The following UNC13B variants were observed in gnomAD, a reference collection of about 807,000 sequenced individuals.
UNC13B encodes the protein protein unc-13 homolog B.
A neutral mutation model predicts 211.0 loss-of-function variants in UNC13B; 144 were observed. The observed-to-expected ratio is 0.68, with a 90% confidence interval of 0.60 to 0.78. UNC13B has a LOEUF of 0.78. Ranked by LOEUF, UNC13B falls within the 30% of genes least tolerant of loss-of-function variation. The pLI is 0.00. For missense variants in UNC13B, 1,777 were observed against 2,002.0 expected (o/e 0.89, Z 2.14); for synonymous variants, 709 against 725.8 (o/e 0.98, Z 0.37).
At position 35,403,185 on chromosome 9, in the gene UNC13B, C is replaced by G. The variant is rs1564203918; in HGVS notation, c.12503C>G (p.Pro4168Arg). Residue 4168 changes from proline to arginine, a missense_variant, in exon 38 of 40, where the codon CCT (proline) becomes CGT (arginine). Physicochemically the swap from Pro to Arg is moderately radical, Grantham distance 103. Transcript: ENST00000635942. The stretch of plus-strand genomic sequence containing the variant: ...CCCTCAGGGTCTGGTGTGGACGATC[C>G]TGTGGGAGAAGTCTCTATTCAGGTG... ...QTTQGSGVDDPVGEVSIQVDL... is the reference protein window; with the variant it reads ...QTTQGSGVDDRVGEVSIQVDL... 1 of 1,614,122 alleles carries G rather than the reference C, an allele frequency of 6.2e-7. No individual in the cohort carries two copies. The highest frequency in any genetic ancestry group is 8.5e-7 in the Non-Finnish European group (1 of 1,179,988).
At chr9:35,385,101 GTGAAGACA>G in intron 22 of UNC13B, 1 of 985,458 alleles carries the variant, frequency 1.0e-6, no homozygotes, top group Non-Finnish European at 1.2e-6. Context: ...GACCATTAAT[GTGAAGACA>G]GGCTCAGCAT....
rs1032791635 is a variant in UNC13B at position 35,302,983 on chromosome 9, C to T, written c.3579C>T (p.Ser1193=). The T allele has an allele frequency of 8.0e-5, 32 of 398,498 alleles. No homozygotes were observed. Among genetic ancestry groups the T allele is most frequent in the Admixed American group, 3.5e-4 (8 of 22,692 alleles). 24.7% of individuals were successfully genotyped at this position (398,498 alleles called of 1,614,324 possible). Residue 1193 remains serine, a synonymous_variant, in exon 9 of 40, where the codon AGC becomes AGT. Transcript: ENST00000635942. ...GAATATTTAACCTGCTATCAAATAG[C>T]GGTATGATTGATCATAAACCAGAGG... ...ISGIFNLLSN[S]GMIDHKPEEA...
chr9:35,298,189 C>T (rs1403779992), intron 8 of UNC13B, among the ~76,000 whole-genome samples: 8 of 152,096 alleles, frequency 5.3e-5, no homozygotes, highest in African/African-American at 1.7e-4. Flanking sequence ...GAGGCCAAGG[C>T]GGGAGGATCA....
rs553136622 is a variant in UNC13B at position 35,399,880 on chromosome 9, T to G, written c.12336+151T>G. The G allele has an allele frequency of 6.1e-6, 5 of 816,118 alleles. No individual in the cohort carries two copies. The Admixed American group carries it at 1.3e-4, about 21-fold the overall frequency. 50.6% of individuals were successfully genotyped at this position (816,118 alleles called of 1,614,324 possible). A position where few individuals can be genotyped will look rare whatever the true frequency, so the allele number is the denominator to read the frequency against. On this transcript the variant is annotated intron_variant, in intron 36 of 39. Coordinates refer to ENST00000635942, the MANE Select transcript of UNC13B (RefSeq NM_001371189.2). ...ACTGCCAAGGATACAGAATCAGATA[T>G]GGTTCCTAAATTCAAGATGCTTATC...
chr9:35,404,855 TG>T lies in UNC13B; in HGVS notation c.*825del, dbSNP rs1382810452. On this transcript the variant is annotated 3_prime_UTR_variant, in exon 40 of 40. Coordinates refer to ENST00000635942, the MANE Select transcript of UNC13B (RefSeq NM_001371189.2). ...GAAGGATCCAGGAGTATTTTCTTCT[TG>T]GGTGGGCCCTGAACAAAGCCAAAAA... The T allele has an allele frequency of 6.6e-6, 1 of 152,610 alleles. No individual in the cohort carries two copies. The highest frequency in any genetic ancestry group is 2.4e-5 in the African/African-American group (1 of 41,414). 9.5% of individuals were successfully genotyped at this position (152,610 alleles called of 1,614,324 possible). A position where few individuals can be genotyped will look rare whatever the true frequency, so the allele number is the denominator to read the frequency against.
intron 5 of UNC13B, among the ~76,000 whole-genome samples, chr9:35,241,596 C>CACACACA (rs777824853): frequency 7.3e-6 from 1 of 136,100 alleles, no homozygotes; most frequent in Admixed American, 7.3e-5. Context: ...CACACACACA[C>CACACACA]CACCATCTTC....
At chr9:35,163,462 T>A (rs539523762) in intron 1 of UNC13B, among the ~76,000 whole-genome samples, 1 of 152,270 alleles carries the variant, frequency 6.6e-6, no homozygotes. Flanking sequence ...TTATGAGATA[T>A]ACAGTTTTTC....
chr9:35,181,194 C>G (rs1821920103), intron 1 of UNC13B, among the ~76,000 whole-genome samples: 2 of 152,178 alleles, frequency 1.3e-5, no homozygotes, highest in Admixed American at 6.5e-5. Context: ...AAAATTTTCT[C>G]TAGTGCCTTG....
intron 5 of UNC13B, among the ~76,000 whole-genome samples, chr9:35,241,080 TAACA>T (rs1825780405): frequency 2.0e-5 from 3 of 148,742 alleles, no homozygotes; most frequent in Admixed American, 6.7e-5. Flanking sequence ...AAATCAGTAA[TAACA>T]AAGTAACATT....
chr9:35,381,529 T>C lies in UNC13B; in HGVS notation c.10492-27T>C, dbSNP rs1433806336. ...TGTCTTTCATATGTGTTTAACCCATTCCCTTTCTCTGCTCTGTCTCCTGCA... is the reference window on the plus strand; with the variant it reads ...TGTCTTTCATATGTGTTTAACCCATCCCCTTTCTCTGCTCTGTCTCCTGCA... On this transcript the variant is annotated intron_variant, in intron 19 of 39. Transcript: ENST00000635942. The C allele has an allele frequency of 5.6e-6, 9 of 1,602,532 alleles. No individual in the cohort carries two copies. In the African/African-American group the frequency reaches 9.4e-5, roughly 17 times the overall value.
intron 11 of UNC13B, among the ~76,000 whole-genome samples, chr9:35,318,400 C>T (rs557913462): frequency 1.5e-4 from 23 of 152,262 alleles, no homozygotes; most frequent in African/African-American, 4.3e-4. Context: ...GCTGCCGCCC[C>T]GCCACCCCAA....
At chr9:35,341,402 C>T (rs1411989424) in intron 11 of UNC13B, among the ~76,000 whole-genome samples, 1 of 152,162 alleles carries the variant, frequency 6.6e-6, no homozygotes, top group Non-Finnish European at 1.5e-5. Flanking sequence ...TTCAGCTTTG[C>T]CAAATGCTGA....
chr9:35,292,352 C>T (rs1324771771), intron 7 of UNC13B, among the ~76,000 whole-genome samples: 1 of 152,164 alleles, frequency 6.6e-6, no homozygotes, highest in Non-Finnish European at 1.5e-5. Context: ...TCCATAATTT[C>T]CTCTATGTCT....
chr9:35,368,157 T>C lies in UNC13B; in HGVS notation c.9461+1164T>C, dbSNP rs143365999. 8.3e-3 allele frequency among the ~76,000 whole-genome samples: 1,271 copies of C among 152,302 alleles called. 11 individuals are homozygous for C. Among genetic ancestry groups the C allele is most frequent in the African/African-American group, 0.029 (1,202 of 41,568 alleles). On this transcript the variant is annotated intron_variant, in intron 12 of 39. Transcript: ENST00000635942. ...ACAGGGATTTGTTGTACAGATTATT[T>C]CATCACCCAAGTACTATAACAATAG... is the stretch of plus-strand genomic sequence containing the variant.
In UNC13B at chr9:35,259,090, G is replaced by C. The variant is rs1431365972; in HGVS notation, c.526+40G>C. The stretch of plus-strand genomic sequence containing the variant: ...TGTCTATGAATCTCTTTTAATTGTA[G>C]CTTTCTGTCGCTTCTCTGAACATGG... On this transcript the variant is annotated intron_variant, in intron 7 of 39. Coordinates refer to ENST00000635942, the MANE Select transcript of UNC13B (RefSeq NM_001371189.2). 4 of 1,598,042 alleles carry C rather than the reference G, an allele frequency of 2.5e-6. No individual in the cohort carries two copies. In the East Asian group the frequency reaches 8.9e-5, roughly 36 times the overall value.
chr9:35,390,534 T>C (rs898200193), intron 25 of UNC13B, 95 bp from the exon 26 acceptor site: 3 of 1,356,290 alleles, frequency 2.2e-6, no homozygotes, highest in African/African-American at 2.9e-5. Context: ...CTCTCTCCAA[T>C]ATGACTTCCA....
intron 11 of UNC13B, among the ~76,000 whole-genome samples, chr9:35,334,651 T>C (rs1033342832): frequency 6.6e-6 from 1 of 152,238 alleles, no homozygotes; most frequent in Non-Finnish European, 1.5e-5. Flanking sequence ...GCTAGATTGC[T>C]CTTGAGGTCA....
In UNC13B at chr9:35,307,075, A is replaced by T. The variant is rs779904539; in HGVS notation, c.7671A>T (p.Ala2557=). ...PPERREAAFT[A]LSSESTLSDC... is the part of the protein sequence containing the mutation. ...AAAGGAGAGAAGCTGCCTTTACAGC[A>T]CTAAGTTCAGAATCTACTCTCAGTG... Residue 2557 remains alanine (A), a synonymous_variant, in exon 9 of 40, where the codon GCA becomes GCT. Transcript: ENST00000635942. 2 of 398,950 alleles carry T rather than the reference A, an allele frequency of 5.0e-6. No individual in the cohort carries two copies. The highest frequency in any genetic ancestry group is 8.8e-6 in the Non-Finnish European group (2 of 226,072). The allele number at this position is 398,950 out of a possible 1,614,324, so 24.7% of individuals were successfully genotyped here. A position where few individuals can be genotyped will look rare whatever the true frequency, so the allele number is the denominator to read the frequency against.
chr9:35,292,282 C>T (rs1482851392), intron 7 of UNC13B, among the ~76,000 whole-genome samples: 4 of 152,136 alleles, frequency 2.6e-5, no homozygotes, highest in Non-Finnish European at 5.9e-5. Flanking sequence ...CTTGGAGGCC[C>T]ATCTTTGTTT....
Sources: allele counts gnomAD v4.1 joint callset (sites outside exome capture counted in the v4.1 genomes callset), GRCh38; gene constraint gnomAD v4.1.1; transcripts MANE v1.5; gene names NCBI Gene and HGNC (gene_info 2026-07-23, HGNC 2026-07-21).